Variants in ARHGEF28 observed in about 807,000 individuals in gnomAD.
ARHGEF28 encodes the protein Rho guanine nucleotide exchange factor 28.
In ARHGEF28, 152 loss-of-function variants were observed where a neutral mutation model predicts 206.6. That is an observed-to-expected ratio of 0.74 (90% CI 0.64 to 0.84). ARHGEF28 has a LOEUF of 0.84. Ranked by LOEUF, ARHGEF28 falls within the 40% of genes least tolerant of loss-of-function variation. The probability of loss-of-function intolerance (pLI) is 0.00; values close to 1 mark genes in which losing one functional copy is unlikely to be tolerated. For synonymous variants in ARHGEF28, 763 were observed against 776.4 expected (o/e 0.98, Z 0.29); for missense variants, 2,028 against 2,073.2 (o/e 0.98, Z 0.42).
rs553725788 is a variant in ARHGEF28, at chr5:73,626,745, GCAGGGC to G, written c.-12+428_-12+433del. On this transcript the variant is annotated intron_variant, in intron 1 of 35. Transcript: ENST00000513042. The stretch of plus-strand genomic sequence containing the variant: ...TCAGCTCCGGGACTGAGGGTGCTTG[GCAGGGC>G]CAGGACCGCAGAATGCAGACGGAAC... Among the ~76,000 whole-genome samples, 28 of 152,320 alleles carry G rather than the reference GCAGGGC, an allele frequency of 1.8e-4. No homozygotes were observed. In the South Asian group the frequency reaches 5.8e-3, roughly 32 times the overall value.
intron 30 of ARHGEF28, chr5:73,900,047 G>A (rs1377366148): frequency 1.3e-5 from 2 of 152,194 alleles, no homozygotes; most frequent in Non-Finnish European, 2.9e-5. Flanking sequence ...CCTATAAAAT[G>A]TCCCTCATTG....
chr5:73,825,761 A>G (rs919553815), intron 9 of ARHGEF28, among the ~76,000 whole-genome samples: 2 of 152,158 alleles, frequency 1.3e-5, no homozygotes, highest in African/African-American at 4.8e-5. Context: ...GACTCCAAGG[A>G]AAGACAGAGT....
intron 6 of ARHGEF28, 107 bp from the exon 7 acceptor site, chr5:73,780,569 C>G: frequency 8.4e-7 from 1 of 1,188,426 alleles, no homozygotes; most frequent in Admixed American, 2.2e-5. Context: ...TTCCCAACCT[C>G]CTAGCTCTGA....
chr5:73,628,267 G>A (rs1743130424), intron 1 of ARHGEF28, among the ~76,000 whole-genome samples: 1 of 152,026 alleles, frequency 6.6e-6, no homozygotes, highest in South Asian at 2.1e-4. Context: ...TTCTAAGTAG[G>A]TATTAAAACA....
rs576490455 is a variant in ARHGEF28 at position 73,689,812 on chromosome 5, G to A, written c.33+4928G>A. ...AAAAACACCAGAGGCCTGCAGTCTGGTTTGAAGTCTAGGCTTAGTTTTTAG... is the reference window on the plus strand; with the variant it reads ...AAAAACACCAGAGGCCTGCAGTCTGATTTGAAGTCTAGGCTTAGTTTTTAG... On this transcript the variant is annotated intron_variant, in intron 2 of 35. Coordinates refer to ENST00000513042, the MANE Select transcript of ARHGEF28 (RefSeq NM_001177693.2). Among the ~76,000 whole-genome samples, 4 of 152,030 alleles carry A rather than the reference G, an allele frequency of 2.6e-5. 1 individual carries two copies. Among genetic ancestry groups the A allele is most frequent in the African/African-American group, 7.2e-5 (3 of 41,538 alleles).
At chr5:73,743,315 G>A (rs114700802) in intron 2 of ARHGEF28, among the ~76,000 whole-genome samples, 2,112 of 152,096 alleles carry the variant, frequency 0.014, 64 homozygotes, top group African/African-American at 0.048. Context: ...TTACTTCTCT[G>A]AGTGGTTCTC....
chr5:73,788,528 G>A (rs1017444168), intron 7 of ARHGEF28, among the ~76,000 whole-genome samples: 17 of 152,048 alleles, frequency 1.1e-4, no homozygotes, highest in South Asian at 2.1e-4. Context: ...TACTATATTC[G>A]TATAATAAGG....
intron 2 of ARHGEF28, among the ~76,000 whole-genome samples, chr5:73,727,228 T>G (rs1580533020): frequency 1.3e-5 from 2 of 152,346 alleles, no homozygotes; most frequent in Admixed American, 6.5e-5. Flanking sequence ...GTGGGAATAC[T>G]AAGAAGATGG....
At chr5:73,831,973 G>C (rs1306043422) in intron 9 of ARHGEF28, among the ~76,000 whole-genome samples, 1 of 152,190 alleles carries the variant, frequency 6.6e-6, no homozygotes, top group Non-Finnish European at 1.5e-5. Flanking sequence ...TTACAGGCGT[G>C]AGACACCATG....
chr5:73,923,130 G>A lies in ARHGEF28; in HGVS notation c.4948+11555G>A, dbSNP rs1319426920. 58 of 1,535,698 alleles carry A rather than the reference G, an allele frequency of 3.8e-5. 1 individual carries two copies. Among genetic ancestry groups the A allele is most frequent in the South Asian group, 5.9e-5 (5 of 84,036 alleles). Reference sequence around the variant, plus strand: ...GCAGTTGTACGTTGACATCTCCCCCGGGACTGTGGACTGGAACCACATCTA... The same window carrying A: ...GCAGTTGTACGTTGACATCTCCCCCAGGACTGTGGACTGGAACCACATCTA... On this transcript the variant is annotated intron_variant, in intron 35 of 35. Coordinates refer to ENST00000513042, the MANE Select transcript of ARHGEF28 (RefSeq NM_001177693.2).
At chr5:73,679,506 G>A (rs935942731) in intron 1 of ARHGEF28, among the ~76,000 whole-genome samples, 1 of 150,568 alleles carries the variant, frequency 6.6e-6, no homozygotes, top group African/African-American at 2.5e-5. Flanking sequence ...GGCAAAGTTT[G>A]CAGTGAGCTG....
At chr5:73,925,100 G>A (rs1195778922) in intron 35 of ARHGEF28, among the ~76,000 whole-genome samples, 1 of 152,126 alleles carries the variant, frequency 6.6e-6, no homozygotes, top group Non-Finnish European at 1.5e-5. Context: ...CCAGTTTTTG[G>A]TCCCGTGGAT....
At position 73,940,863 on chromosome 5, in the gene ARHGEF28, TG is replaced by T. The variant is rs1288728401; in HGVS notation, c.4969del (p.Glu1657SerfsTer19). On this transcript the variant is annotated frameshift_variant, in exon 36 of 36. Transcript: ENST00000513042. LOFTEE classifies it low-confidence loss of function (END_TRUNC). ...TTGCAGATTTGGACACCTCCCACAC[TG>T]AGTCCCCAACCCCCCATGACTCAAA... The part of the protein sequence containing the change: ...CKNDLDTSHT[E>X]SPTPHDSNSH... 1 of 1,521,070 alleles carries T rather than the reference TG, an allele frequency of 6.6e-7. No individual in the cohort carries two copies. Among genetic ancestry groups the T allele is most frequent in the Non-Finnish European group, 8.8e-7 (1 of 1,142,074 alleles). 94.2% of individuals were successfully genotyped at this position (1,521,070 alleles called of 1,614,324 possible).
At chr5:73,908,173 A>G (rs1238141580) in intron 33 of ARHGEF28, among the ~76,000 whole-genome samples, 1 of 152,220 alleles carries the variant, frequency 6.6e-6, no homozygotes, top group Non-Finnish European at 1.5e-5. Context: ...AATTTTAAAG[A>G]TTAGTTTCCA....
rs12652599 is a variant in ARHGEF28, at chr5:73,633,123, A to C, written c.-12+6801A>C. On this transcript the variant is annotated intron_variant, in intron 1 of 35. Transcript: ENST00000513042. ...CAGTAGTGTTCGCATTCCTATGAGA[A>C]TCTAATGTTGCCACTGCTCGGACGG... 4.4e-3 allele frequency among the ~76,000 whole-genome samples: 670 copies of C among 152,188 alleles called. 24 individuals carry two copies. The East Asian group carries it at 0.1, about 23-fold the overall frequency.
chr5:73,643,162 G>A (rs1348047538), intron 1 of ARHGEF28, among the ~76,000 whole-genome samples: 1 of 152,110 alleles, frequency 6.6e-6, no homozygotes, highest in Non-Finnish European at 1.5e-5. Context: ...ATGGTAACAC[G>A]GTGATGTTAA....
chr5:73,793,938 T>C (rs930042261), intron 7 of ARHGEF28, among the ~76,000 whole-genome samples: 1 of 152,134 alleles, frequency 6.6e-6, no homozygotes, highest in Admixed American at 6.5e-5. Context: ...TGACCTTCAG[T>C]GATGTGTAAG....
chr5:73,639,598 A>G (rs562615582), intron 1 of ARHGEF28, among the ~76,000 whole-genome samples: 1 of 152,302 alleles, frequency 6.6e-6, no homozygotes, highest in East Asian at 1.9e-4. Flanking sequence ...CAGTTTGAGT[A>G]CAAGTATACA....
rs559717213 is a variant in ARHGEF28, at chr5:73,667,644, A to G, written c.-11-17197A>G. The stretch of plus-strand genomic sequence containing the variant: ...CCACACCTTTAGTATTCTTTCCTGG[A>G]CAGCTTTTCTCTTCTTTACATGGCT... On this transcript the variant is annotated intron_variant, in intron 1 of 35. Coordinates refer to ENST00000513042, the MANE Select transcript of ARHGEF28 (RefSeq NM_001177693.2). Among the ~76,000 whole-genome samples, 13 of 152,304 alleles carry G rather than the reference A, an allele frequency of 8.5e-5. No homozygotes were observed. The South Asian group carries it at 2.7e-3, about 32-fold the overall frequency.
Sources: gnomAD v4.1 joint callset for allele counts (sites outside exome capture counted in the v4.1 genomes callset) on GRCh38, gnomAD v4.1.1 for gene constraint, MANE v1.5 for transcripts, NCBI Gene and HGNC (gene_info 2026-07-23, HGNC 2026-07-21) for gene names.